The following UBE2G1 variants were observed in gnomAD, a reference collection of about 807,000 sequenced individuals.
UBE2G1 encodes ubiquitin conjugating enzyme E2 G1, also known as ubiquitin-conjugating enzyme E2 G1.
A neutral mutation model predicts 22.7 loss-of-function variants in UBE2G1; 5 were observed. That is an observed-to-expected ratio of 0.22 (90% CI 0.12 to 0.46). UBE2G1 has a LOEUF of 0.46. Among genes scored for constraint, UBE2G1 ranks in the 20% least tolerant of loss-of-function variants. The probability of loss-of-function intolerance (pLI) is 0.99; values close to 1 mark genes in which losing one functional copy is unlikely to be tolerated. For missense variants in UBE2G1, 88 were observed against 203.9 expected (o/e 0.43, Z 3.46); for synonymous variants, 74 against 67.5 (o/e 1.10, Z -0.47).
intron 3 of UBE2G1, among the ~76,000 whole-genome samples, chr17:4,293,807 C>T (rs1378726203): frequency 6.6e-6 from 1 of 152,162 alleles, no homozygotes; most frequent in East Asian, 1.9e-4. Flanking sequence ...TTACCATTCA[C>T]CTCTGGCAGT....
At chr17:4,316,778 A>G (rs553147424) in intron 1 of UBE2G1, among the ~76,000 whole-genome samples, 1 of 151,888 alleles carries the variant, frequency 6.6e-6, no homozygotes, top group Non-Finnish European at 1.5e-5. Flanking sequence ...TAAGGGCAGG[A>G]GTTCAAGACC....
At position 4,340,908 on chromosome 17, in the gene UBE2G1, A is replaced by C. The variant is rs555225044; in HGVS notation, c.46+25363T>G. Reference sequence around the variant, plus strand: ...ATTCACGTATTTAAAAAAAAAAAAAAAAAACAAAACCTTCAAAACCATAAC... The same window carrying C: ...ATTCACGTATTTAAAAAAAAAAAAACAAAACAAAACCTTCAAAACCATAAC... On this transcript the variant is annotated intron_variant, in intron 1 of 5. Transcript: ENST00000396981. Among the ~76,000 whole-genome samples, 289 of 150,938 alleles carry C rather than the reference A, an allele frequency of 1.9e-3. 5 individuals carry two copies. The highest frequency in any genetic ancestry group is 1.2e-3 in the Non-Finnish European group (79 of 67,868).
intron 1 of UBE2G1, among the ~76,000 whole-genome samples, chr17:4,308,850 C>G (rs1488519299): frequency 6.6e-6 from 1 of 152,138 alleles, no homozygotes; most frequent in East Asian, 1.9e-4. Flanking sequence ...AAGGACTGAA[C>G]CAATGTTTAG....
At chr17:4,303,200 G>A (rs763161535) in intron 2 of UBE2G1, among the ~76,000 whole-genome samples, 3 of 152,130 alleles carry the variant, frequency 2.0e-5, no homozygotes, top group African/African-American at 7.2e-5. Context: ...GTGGTTATGT[G>A]GACTGCTGAG....
intron 1 of UBE2G1, among the ~76,000 whole-genome samples, chr17:4,327,927 C>G (rs1969520994): frequency 1.3e-5 from 2 of 152,320 alleles, no homozygotes; most frequent in African/African-American, 2.4e-5. Flanking sequence ...CATAAGTGAC[C>G]TCTGAGAACA....
chr17:4,288,383 C>T (rs148646335), intron 4 of UBE2G1, among the ~76,000 whole-genome samples: 3,573 of 152,096 alleles, frequency 0.023, 127 homozygotes, highest in African/African-American at 0.081. Context: ...CCCGCCACCA[C>T]GCCCGGCTAA....
At chr17:4,308,832 G>C (rs1969276633) in intron 1 of UBE2G1, among the ~76,000 whole-genome samples, 1 of 152,180 alleles carries the variant, frequency 6.6e-6, no homozygotes, top group African/African-American at 2.4e-5. Context: ...ATAACTCAGA[G>C]TGCTACAAAG....
intron 1 of UBE2G1, among the ~76,000 whole-genome samples, chr17:4,344,552 CAA>C (rs576774645): frequency 1.5e-5 from 2 of 132,290 alleles, no homozygotes; most frequent in African/African-American, 2.8e-5. Context: ...AGAAAGCTCT[CAA>C]AAAAAAAAAA....
chr17:4,315,760 A>C (rs1969361188), intron 1 of UBE2G1, among the ~76,000 whole-genome samples: 1 of 147,406 alleles, frequency 6.8e-6, no homozygotes, highest in South Asian at 2.1e-4. Context: ...AAAACAAAAA[A>C]CAAAAACAAA....
chr17:4,320,324 G>A (rs1482653633), intron 1 of UBE2G1, among the ~76,000 whole-genome samples: 2 of 152,142 alleles, frequency 1.3e-5, no homozygotes, highest in Non-Finnish European at 2.9e-5. Context: ...ACTATTTAGA[G>A]GTTTTTATAG....
intron 1 of UBE2G1, among the ~76,000 whole-genome samples, chr17:4,346,431 C>CTT (rs67852481): frequency 5.1e-4 from 62 of 120,504 alleles, no homozygotes; most frequent in East Asian, 9.1e-4. Flanking sequence ...TTTTCTTCTT[C>CTT]TTTTTTTTTT....
rs568589291 is a variant in UBE2G1, at chr17:4,366,196, G to A, written c.46+75C>T. 9.0e-6 allele frequency: 13 copies of A among 1,443,030 alleles called. No homozygotes were observed. In the African/African-American group the frequency reaches 1.0e-4, roughly 11 times the overall value. The allele number at this position is 1,443,030 out of a possible 1,614,324, so 89.4% of individuals were successfully genotyped here. On this transcript the variant is annotated intron_variant, in intron 1 of 5. Transcript: ENST00000396981. Reference sequence around the variant, plus strand: ...CTTCGGCAGTACGGCCGCTGGCCCGGGAGGAGAAGAGGGACTGGGCTGCGG... The same window carrying A: ...CTTCGGCAGTACGGCCGCTGGCCCGAGAGGAGAAGAGGGACTGGGCTGCGG...
chr17:4,307,537 A>G (rs113198399), intron 1 of UBE2G1, among the ~76,000 whole-genome samples: 1 of 152,290 alleles, frequency 6.6e-6, no homozygotes, highest in African/African-American at 2.4e-5. Context: ...ATACCTTTTC[A>G]TTGGAATGTA....
chr17:4,298,103 G>A (rs561695822), intron 2 of UBE2G1, among the ~76,000 whole-genome samples: 3 of 152,320 alleles, frequency 2.0e-5, no homozygotes, highest in African/African-American at 7.2e-5. Context: ...GGAATGATAT[G>A]AGGAATCTAT....
chr17:4,270,050 C>T lies in UBE2G1; in HGVS notation c.*2504G>A, dbSNP rs533030616. 1 of 152,620 alleles carries T rather than the reference C, an allele frequency of 6.6e-6. No homozygotes were observed. The highest frequency in any genetic ancestry group is 2.4e-5 in the African/African-American group (1 of 41,506). The allele number at this position is 152,620 out of a possible 1,614,324, so 9.5% of individuals were successfully genotyped here. On this transcript the variant is annotated 3_prime_UTR_variant, in exon 6 of 6. Coordinates refer to ENST00000396981, the MANE Select transcript of UBE2G1 (RefSeq NM_003342.5). ...TTGTAACATCTATGTAGGCCTGTTT[C>T]AGTATGTAACACACTCAGGGCAGGT... is the stretch of plus-strand genomic sequence containing the variant.
intron 5 of UBE2G1, among the ~76,000 whole-genome samples, chr17:4,278,886 C>T (rs944448893): frequency 7.9e-5 from 12 of 152,174 alleles, no homozygotes; most frequent in African/African-American, 2.9e-4. Flanking sequence ...GGTGGACAGA[C>T]TTTAGCTTTA....
chr17:4,313,663 T>C (rs1409458692), intron 1 of UBE2G1, among the ~76,000 whole-genome samples: 1 of 152,078 alleles, frequency 6.6e-6, no homozygotes, highest in African/African-American at 2.4e-5. Context: ...GAGCAGGAAG[T>C]GAGAGTAGTA....
At chr17:4,339,932 T>C (rs1047003376) in intron 1 of UBE2G1, among the ~76,000 whole-genome samples, 8 of 152,216 alleles carry the variant, frequency 5.3e-5, no homozygotes, top group Non-Finnish European at 1.2e-4. Context: ...TCTTTTCTTT[T>C]CCTTCTTTTG....
intron 1 of UBE2G1, among the ~76,000 whole-genome samples, chr17:4,333,404 A>C (rs1042329962): frequency 2.0e-5 from 3 of 152,196 alleles, no homozygotes; most frequent in Non-Finnish European, 2.9e-5. Context: ...CGGGCCGGGC[A>C]CGGTGGCTCT....
Sources: gnomAD v4.1 joint callset for allele counts (sites outside exome capture counted in the v4.1 genomes callset) on GRCh38, gnomAD v4.1.1 for gene constraint, MANE v1.5 for transcripts, NCBI Gene and HGNC (gene_info 2026-07-23, HGNC 2026-07-21) for gene names.